Variants in KDM4C observed in about 807,000 individuals in gnomAD.
KDM4C encodes the protein lysine-specific demethylase 4C.
Under a neutral mutation model 129.3 loss-of-function variants are expected in KDM4C, and 81 were observed. That is an observed-to-expected ratio of 0.63 (90% CI 0.52 to 0.75). KDM4C has a LOEUF of 0.75. KDM4C is among the 30% of genes least tolerant of loss of function. KDM4C has a pLI of 0.00. For synonymous variants in KDM4C, 573 were observed against 456.1 expected (o/e 1.26, Z -3.26); for missense variants, 1,457 against 1,304.0 (o/e 1.12, Z -1.81).
At chr9:6,795,696 G>C (rs1588316760) in intron 2 of KDM4C, among the ~76,000 whole-genome samples, 1 of 150,868 alleles carries the variant, frequency 6.6e-6, no homozygotes, top group East Asian at 1.9e-4. Context: ...TTTTGAGACA[G>C]TGTCTCATTT....
intron 18 of KDM4C, among the ~76,000 whole-genome samples, chr9:7,109,747 C>T (rs1423528064): frequency 6.6e-6 from 1 of 152,082 alleles, no homozygotes; most frequent in Non-Finnish European, 1.5e-5. Flanking sequence ...GTTCTTGCTC[C>T]CCTTGGACCT....
chr9:6,745,581 A>C (rs1817846879), intron 1 of KDM4C, among the ~76,000 whole-genome samples: 1 of 145,064 alleles, frequency 6.9e-6, no homozygotes, highest in Non-Finnish European at 1.5e-5. Context: ...CTGTCTCCAA[A>C]AAAAAAAAAA....
chr9:6,769,308 T>G (rs1821286969), intron 1 of KDM4C, among the ~76,000 whole-genome samples: 1 of 152,144 alleles, frequency 6.6e-6, no homozygotes, highest in South Asian at 2.1e-4. Flanking sequence ...ATTTGTTCCT[T>G]ATTTAGTGGG....
intron 6 of KDM4C, among the ~76,000 whole-genome samples, chr9:6,881,305 G>A (rs1373497957): frequency 1.3e-5 from 2 of 152,140 alleles, no homozygotes; most frequent in African/African-American, 2.4e-5. Context: ...ACTATAAAGT[G>A]TCTTTTTAAA....
At chr9:6,975,337 G>T (rs1209211824) in intron 8 of KDM4C, among the ~76,000 whole-genome samples, 1 of 152,200 alleles carries the variant, frequency 6.6e-6, no homozygotes. Flanking sequence ...TACAATTTCA[G>T]TTTGGTTATG....
At chr9:6,941,234 C>G (rs1004451423) in intron 8 of KDM4C, among the ~76,000 whole-genome samples, 1 of 152,168 alleles carries the variant, frequency 6.6e-6, no homozygotes, top group African/African-American at 2.4e-5. Flanking sequence ...GTCTCAAACT[C>G]CTGACCTCAA....
At chr9:7,117,539 A>G (rs1442404305) in intron 18 of KDM4C, among the ~76,000 whole-genome samples, 1 of 151,266 alleles carries the variant, frequency 6.6e-6, no homozygotes, top group Non-Finnish European at 1.5e-5. Flanking sequence ...AATTCCTCCA[A>G]CTTTGTTATT....
chr9:6,831,617 C>G (rs977521088), intron 4 of KDM4C, among the ~76,000 whole-genome samples: 1 of 152,158 alleles, frequency 6.6e-6, no homozygotes, highest in Non-Finnish European at 1.5e-5. Context: ...GCTGGGATTA[C>G]AGGTGTAAGC....
intron 17 of KDM4C, among the ~76,000 whole-genome samples, chr9:7,097,331 C>T (rs1318711643): frequency 1.3e-5 from 2 of 152,188 alleles, no homozygotes; most frequent in African/African-American, 2.4e-5. Flanking sequence ...AAATTAATTA[C>T]AGAAAACTTT....
At chr9:7,030,971 T>C (rs1268834597) in intron 15 of KDM4C, among the ~76,000 whole-genome samples, 1 of 152,098 alleles carries the variant, frequency 6.6e-6, no homozygotes, top group Non-Finnish European at 1.5e-5. Flanking sequence ...TTTATTTTAC[T>C]CTGCAGAATC....
chr9:7,113,248 T>C (rs574124846), intron 18 of KDM4C, among the ~76,000 whole-genome samples: 13 of 152,198 alleles, frequency 8.5e-5, no homozygotes, highest in African/African-American at 2.9e-4. Flanking sequence ...AATAGAAGGG[T>C]TTTGTTGAGC....
At chr9:7,086,699 C>A (rs895073136) in intron 17 of KDM4C, among the ~76,000 whole-genome samples, 8 of 152,222 alleles carry the variant, frequency 5.3e-5, no homozygotes, top group African/African-American at 1.9e-4. Context: ...TTCCTGAGAT[C>A]ATGGACTATG....
intron 8 of KDM4C, among the ~76,000 whole-genome samples, chr9:6,904,233 C>T (rs1453685412): frequency 6.6e-6 from 1 of 150,742 alleles, no homozygotes; most frequent in Non-Finnish European, 1.5e-5. Context: ...AGTGAGACTC[C>T]ATCTCAAAAA....
chr9:6,863,765 G>T (rs1361118541), intron 5 of KDM4C, among the ~76,000 whole-genome samples: 1 of 144,280 alleles, frequency 6.9e-6, no homozygotes, highest in African/African-American at 2.6e-5. Flanking sequence ...ACTGCCTCCA[G>T]CCTGGGCGAC....
intron 20 of KDM4C, among the ~76,000 whole-genome samples, chr9:7,167,081 T>G (rs1263397193): frequency 2.6e-5 from 4 of 152,152 alleles, no homozygotes; most frequent in Non-Finnish European, 4.4e-5. Context: ...ACCCTCAGAG[T>G]AGTCCTACAA....
At chr9:7,001,749 G>A (rs1248971759) in intron 12 of KDM4C, among the ~76,000 whole-genome samples, 2 of 151,268 alleles carry the variant, frequency 1.3e-5, no homozygotes, top group Admixed American at 1.3e-4. Flanking sequence ...TTTTTGGTAT[G>A]GGGAGCTTCT....
At chr9:6,750,600 T>C (rs1318055482) in intron 1 of KDM4C, among the ~76,000 whole-genome samples, 1 of 152,180 alleles carries the variant, frequency 6.6e-6, no homozygotes, top group Non-Finnish European at 1.5e-5. Context: ...CTCTTGATTA[T>C]AAAAACGATG....
intron 8 of KDM4C, among the ~76,000 whole-genome samples, chr9:6,932,411 C>T (rs557989284): frequency 2.6e-5 from 4 of 152,184 alleles, no homozygotes; most frequent in African/African-American, 9.6e-5. Context: ...TTAGTAATGC[C>T]CCCTCCCACC....
intron 18 of KDM4C, among the ~76,000 whole-genome samples, chr9:7,114,788 C>T (rs1215574467): frequency 3.3e-5 from 5 of 152,118 alleles, no homozygotes; most frequent in East Asian, 1.9e-4. Flanking sequence ...CTAGACCCCA[C>T]GGTGGGGGCA....
Sources: allele counts gnomAD v4.1 joint callset (sites outside exome capture counted in the v4.1 genomes callset), GRCh38; gene constraint gnomAD v4.1.1; transcripts MANE v1.5; gene names NCBI Gene and HGNC (gene_info 2026-07-23, HGNC 2026-07-21).